The following ADAMTS9 variants were observed in gnomAD, a reference collection of about 807,000 sequenced individuals.
The protein encoded by ADAMTS9 is ADAM metallopeptidase with thrombospondin type 1 motif 9, also known as A disintegrin and metalloproteinase with thrombospondin motifs 9.
Under a neutral mutation model 257.1 loss-of-function variants are expected in ADAMTS9, and 107 were observed. The ratio of observed to expected loss-of-function variants is 0.42; its 90% CI spans 0.36 to 0.49. The LOEUF is 0.49. ADAMTS9 is among the 20% of genes least tolerant of loss of function. The pLI, the probability that ADAMTS9 is intolerant of heterozygous loss-of-function variation, is 0.03. For synonymous variants in ADAMTS9, 982 were observed against 880.9 expected (o/e 1.11, Z -2.03); for missense variants, 2,353 against 2,469.1 (o/e 0.95, Z 1.00).
chr3:64,635,752 A>G (rs13091373), intron 12 of ADAMTS9, among the ~76,000 whole-genome samples: 5,376 of 152,180 alleles, frequency 0.035, 133 homozygotes, highest in Non-Finnish European at 0.053. Context: ...TGTGTTTCAG[A>G]GTCTTTTTTT....
intron 30 of ADAMTS9, among the ~76,000 whole-genome samples, chr3:64,559,966 A>C (rs2083392041): frequency 6.6e-6 from 1 of 152,174 alleles, no homozygotes; most frequent in Non-Finnish European, 1.5e-5. Flanking sequence ...GAGAATCAAG[A>C]GGTCACACTG....
intron 36 of ADAMTS9, among the ~76,000 whole-genome samples, chr3:64,540,497 T>C (rs977079917): frequency 6.6e-6 from 1 of 152,184 alleles, no homozygotes; most frequent in Admixed American, 6.5e-5. Context: ...CCATTTTTCT[T>C]CTGCACATTG....
intron 31 of ADAMTS9, among the ~76,000 whole-genome samples, chr3:64,547,604 C>T (rs1237273505): frequency 2.7e-5 from 4 of 150,154 alleles, no homozygotes; most frequent in Non-Finnish European, 5.9e-5. Flanking sequence ...CCTCCGTCTC[C>T]CAGGTTCAAG....
Position 64,686,788 on chromosome 3 carries a change from T to C in ADAMTS9, c.296A>G (p.His99Arg). 1 of 1,614,000 alleles carries C rather than the reference T, an allele frequency of 6.2e-7. No homozygotes were observed. ...CTGGCCGAAGGCAGAGAGGCGGTAA[T>C]GCGCCTGGGAGGAGGTAGAGGAGGA... ...SSSSSTSSQA[H>R]YRLSAFGQQF... is the part of the protein sequence containing the mutation. Residue 99 changes from histidine to arginine, a missense_variant, in exon 2 of 40, where the codon CAT becomes CGT. His to Arg is a conservative substitution (Grantham distance 29). Coordinates refer to ENST00000498707, the MANE Select transcript of ADAMTS9 (RefSeq NM_182920.2). The surrounding 1 kb of genome is among the most constrained non-coding windows in gnomAD (Gnocchi z 4.6).
chr3:64,556,011 G>T (rs558562489), intron 30 of ADAMTS9, among the ~76,000 whole-genome samples: 2 of 152,288 alleles, frequency 1.3e-5, no homozygotes, highest in African/African-American at 4.8e-5. Flanking sequence ...TCAAAACCTG[G>T]TCATTCCCTA....
chr3:64,545,660 T>C (rs895027032), intron 32 of ADAMTS9, among the ~76,000 whole-genome samples: 3 of 152,126 alleles, frequency 2.0e-5, no homozygotes. Flanking sequence ...CTAATATAAA[T>C]GACGAGTTAA....
intron 27 of ADAMTS9, among the ~76,000 whole-genome samples, chr3:64,594,849 C>T (rs1192960736): frequency 6.6e-6 from 1 of 152,048 alleles, no homozygotes; most frequent in Non-Finnish European, 1.5e-5. Flanking sequence ...TGCAGTGGCA[C>T]GATCTCGGCT....
At chr3:64,645,097 G>A (rs1471649636) in intron 11 of ADAMTS9, among the ~76,000 whole-genome samples, 1 of 152,080 alleles carries the variant, frequency 6.6e-6, no homozygotes, top group African/African-American at 2.4e-5. Context: ...ATTTTACCAG[G>A]CAAATTCTAC....
chr3:64,656,318 T>C (rs1701068141), intron 4 of ADAMTS9, among the ~76,000 whole-genome samples: 2 of 152,198 alleles, frequency 1.3e-5, no homozygotes, highest in South Asian at 4.1e-4. Flanking sequence ...ATTTTTGCAG[T>C]ATTATAATTA....
rs1361961213 is a variant in ADAMTS9 at position 64,516,023 on chromosome 3, G to A, written c.*1104C>T. 6.6e-6 allele frequency: 1 copy of A among 152,196 alleles called. No homozygotes were observed. The highest frequency in any genetic ancestry group is 6.5e-5 in the Admixed American group (1 of 15,278). 9.4% of individuals were successfully genotyped at this position (152,196 alleles called of 1,614,324 possible). A position where few individuals can be genotyped will look rare whatever the true frequency, so the allele number is the denominator to read the frequency against. On this transcript the variant is annotated 3_prime_UTR_variant, in exon 40 of 40. Transcript: ENST00000498707. ...TTTCTTCACACAAACGTCCATTACT[G>A]CAGCGGGCATGAAAACCGGCAGGGT...
chr3:64,646,727 A>G (rs770541767), intron 11 of ADAMTS9, among the ~76,000 whole-genome samples: 2 of 152,156 alleles, frequency 1.3e-5, no homozygotes, highest in African/African-American at 2.4e-5. Context: ...GGATCCTTTA[A>G]CACTGAAAAA....
chr3:64,681,494 C>T (rs1701755915), intron 2 of ADAMTS9, 131 bp from the exon 3 acceptor site: 1 of 864,308 alleles, frequency 1.2e-6, no homozygotes, highest in South Asian at 2.0e-5. Flanking sequence ...GTTGTTTCAA[C>T]TGAAAATGCT....
chr3:64,628,990 G>C (rs964380152), intron 16 of ADAMTS9, among the ~76,000 whole-genome samples: 4 of 152,142 alleles, frequency 2.6e-5, no homozygotes, highest in African/African-American at 9.7e-5. Context: ...CTCAGGTTTT[G>C]ACCTTGGAGT....
rs781336818 is a variant in ADAMTS9 at position 64,687,565 on chromosome 3, C to T, written c.93G>A (p.Lys31=). ...TACCTTGCCTCGGGTGCAGCCTGTCCTTGCGCACGGCCGCCGCGGCGTCTG... is the reference window on the plus strand; with the variant it reads ...TACCTTGCCTCGGGTGCAGCCTGTCTTTGCGCACGGCCGCCGCGGCGTCTG... ...GSPDAAAAVR[K]DRLHPRQVKL... Residue 31 remains lysine, a synonymous_variant, in exon 1 of 40, where the codon AAG becomes AAA. Transcript: ENST00000498707. The surrounding 1 kb of genome is among the most constrained non-coding windows in gnomAD (Gnocchi z 4.4). The T allele has an allele frequency of 2.6e-6, 4 of 1,561,760 alleles. No individual in the cohort carries two copies. In the South Asian group the frequency reaches 3.5e-5, roughly 14 times the overall value.
intron 28 of ADAMTS9, among the ~76,000 whole-genome samples, chr3:64,571,954 T>C (rs1361780022): frequency 1.3e-5 from 2 of 152,162 alleles, no homozygotes; most frequent in Non-Finnish European, 1.5e-5. Flanking sequence ...TGAGACATAA[T>C]CGTCAAATTT....
chr3:64,651,030 T>C lies in ADAMTS9; in HGVS notation c.1450A>G (p.Thr484Ala). The change falls in exon 9 of 40, where the codon ACT becomes GCT. Residue 484 changes from threonine (T) to alanine (A), a missense_variant. By Grantham distance (58) the Thr-to-Ala change is moderately conservative. Around this residue, in one of 3 missense-constraint regions of ADAMTS9, gnomAD observed 360 missense variants for 458.1 expected, o/e 0.79. Transcript: ENST00000498707. ...TTCAAGTCTTACTCTAAAAACTCAG[T>C]GATATATTTTCGACTACACTTTGAC... ...MWSKCSRKYITEFLDTGYGEC... is the reference protein window; with the variant it reads ...MWSKCSRKYIAEFLDTGYGEC... The C allele has an allele frequency of 6.2e-7, 1 of 1,604,650 alleles. No homozygotes were observed. The highest frequency in any genetic ancestry group is 8.5e-7 in the Non-Finnish European group (1 of 1,176,550).
At chr3:64,684,269 C>T (rs546084190) in intron 2 of ADAMTS9, among the ~76,000 whole-genome samples, 2 of 152,098 alleles carry the variant, frequency 1.3e-5, no homozygotes, top group Non-Finnish European at 1.5e-5. Context: ...TCTTAGACAT[C>T]AGTCCTAAGG....
At chr3:64,541,788 A>T in intron 33 of ADAMTS9, 50 bp downstream of exon 33, 2 of 1,607,134 alleles carry the variant, frequency 1.2e-6, no homozygotes, top group Non-Finnish European at 1.7e-6. Flanking sequence ...ATGAACAAAG[A>T]CATCCTGTTC....
chr3:64,687,120 C>G lies in ADAMTS9; in HGVS notation c.116-152G>C. On this transcript the variant is annotated intron_variant, in intron 1 of 39. Transcript: ENST00000498707. This position sits in a 1 kb window ranked among gnomAD's most constrained non-coding sequence, Gnocchi z 4.4. Reference sequence around the variant, plus strand: ...AATCAGTGGACAAATATTTGCTGAGCACCTACTATGTGCCAGTAACAGGAC... The same window carrying G: ...AATCAGTGGACAAATATTTGCTGAGGACCTACTATGTGCCAGTAACAGGAC... 1 of 950,260 alleles carries G rather than the reference C, an allele frequency of 1.1e-6. No individual in the cohort carries two copies. The highest frequency in any genetic ancestry group is 1.5e-6 in the Non-Finnish European group (1 of 649,980). 58.9% of individuals were successfully genotyped at this position (950,260 alleles called of 1,614,324 possible). A position where few individuals can be genotyped will look rare whatever the true frequency, so the allele number is the denominator to read the frequency against.
Sources: gnomAD v4.1 joint callset for allele counts (sites outside exome capture counted in the v4.1 genomes callset) on GRCh38, gnomAD v4.1.1 for gene constraint, gnomAD v4.1.1 regional missense constraint, Gnocchi (gnomAD v3.1) non-coding constraint, MANE v1.5 for transcripts, NCBI Gene and HGNC (gene_info 2026-07-23, HGNC 2026-07-21) for gene names.